The following RPSA2 variants were observed in gnomAD, a reference collection of about 807,000 sequenced individuals.
RPSA2 encodes small ribosomal subunit protein uS2B.
At chr19:23,868,009 G>T in the RPSA2 span, among the ~76,000 whole-genome samples, 1 of 152,126 alleles carries the variant, frequency 6.6e-6, no homozygotes, top group Admixed American at 6.5e-5. Context: ...AAGAATAATT[G>T]GATGCAGGAC....
At chr19:23,768,854 A>G in the RPSA2 span, among the ~76,000 whole-genome samples, 1 of 151,276 alleles carries the variant, frequency 6.6e-6, no homozygotes, top group Admixed American at 6.6e-5. Flanking sequence ...TCTTAAAGTG[A>G]TGGGATTACA....
chr19:23,862,450 T>C, the RPSA2 span, among the ~76,000 whole-genome samples: 3 of 151,514 alleles, frequency 2.0e-5, no homozygotes, highest in Non-Finnish European at 4.4e-5. Context: ...ATCCCTGTCT[T>C]GTGCCAGTTT....
At chr19:23,828,590 C>G in the RPSA2 span, among the ~76,000 whole-genome samples, 3 of 132,486 alleles carry the variant, frequency 2.3e-5, no homozygotes, top group African/African-American at 8.5e-5. Flanking sequence ...GTTGTATATT[C>G]TCATTCCATT....
At chr19:23,819,404 G>A in the RPSA2 span, 1 of 152,292 alleles carries the variant, frequency 6.6e-6, no homozygotes, top group Non-Finnish European at 1.5e-5. Flanking sequence ...TGGGCTACCA[G>A]TTTCAGCCAA....
chr19:23,783,295 A>G, the RPSA2 span, among the ~76,000 whole-genome samples: 1 of 152,010 alleles, frequency 6.6e-6, no homozygotes, highest in African/African-American at 2.4e-5. Context: ...GGGCTTCTCC[A>G]TGTTGGTCAG....
At chr19:23,779,002 T>TG in the RPSA2 span, among the ~76,000 whole-genome samples, 2 of 133,148 alleles carry the variant, frequency 1.5e-5, no homozygotes. Context: ...ACACTTTTTT[T>TG]TTTTTTTTTT....
the RPSA2 span, among the ~76,000 whole-genome samples, chr19:23,770,991 T>C: frequency 6.6e-6 from 1 of 152,230 alleles, no homozygotes; most frequent in Non-Finnish European, 1.5e-5. Context: ...GTAGCAGATG[T>C]AGTTTCTCTC....
the RPSA2 span, chr19:23,828,081 GA>G: frequency 3.8e-6 from 2 of 526,694 alleles, no homozygotes; most frequent in Non-Finnish European, 6.6e-6. Context: ...AAGCAGCATG[GA>G]AAAATGGTTG....
the RPSA2 span, among the ~76,000 whole-genome samples, chr19:23,794,434 CT>C: frequency 6.6e-6 from 1 of 152,158 alleles, no homozygotes; most frequent in African/African-American, 2.4e-5. Context: ...TTGCATTTCT[CT>C]AATGATTATT....
chr19:23,786,357 G>A, the RPSA2 span, among the ~76,000 whole-genome samples: 5 of 152,196 alleles, frequency 3.3e-5, no homozygotes, highest in Non-Finnish European at 7.3e-5. Context: ...CAGCACCTGA[G>A]TGATATGATT....
the RPSA2 span, among the ~76,000 whole-genome samples, chr19:23,784,175 T>C: frequency 6.6e-6 from 1 of 152,172 alleles, no homozygotes; most frequent in South Asian, 2.1e-4. Flanking sequence ...ACAAAGAATA[T>C]CCTGGCTCTT....
chr19:23,779,643 C>A, the RPSA2 span, among the ~76,000 whole-genome samples: 1 of 152,204 alleles, frequency 6.6e-6, no homozygotes, highest in East Asian at 1.9e-4. Context: ...TGTCTAGCAA[C>A]CACGTATTTT....
chr19:23,782,928 A>T, the RPSA2 span, among the ~76,000 whole-genome samples: 1 of 151,928 alleles, frequency 6.6e-6, no homozygotes, highest in Non-Finnish European at 1.5e-5. Context: ...CCTCAGGGGT[A>T]TTGTGAAATA....
chr19:23,845,664 A>G, the RPSA2 span, among the ~76,000 whole-genome samples: 1 of 152,020 alleles, frequency 6.6e-6, no homozygotes, highest in Non-Finnish European at 1.5e-5. Context: ...GCTATTTTTA[A>G]ATTTTTTTTG....
At chr19:23,866,003 A>G in the RPSA2 span, among the ~76,000 whole-genome samples, 1 of 152,214 alleles carries the variant, frequency 6.6e-6, no homozygotes, top group Non-Finnish European at 1.5e-5. Context: ...TAAATTGGCA[A>G]GAAATGTGTG....
chr19:23,758,827 C>A, the RPSA2 span: 1 of 1,600,964 alleles, frequency 6.2e-7, no homozygotes, highest in Non-Finnish European at 8.5e-7. Context: ...AGAGGCTGGG[C>A]CTCTAGAAGA....
At chr19:23,805,830 T>TGATA in the RPSA2 span, among the ~76,000 whole-genome samples, 1 of 152,134 alleles carries the variant, frequency 6.6e-6, no homozygotes, top group Non-Finnish European at 1.5e-5. Flanking sequence ...TAAATGCTTG[T>TGATA]GATAGTCAAG....
chr19:23,801,828 A>C, the RPSA2 span, among the ~76,000 whole-genome samples: 1 of 152,216 alleles, frequency 6.6e-6, no homozygotes, highest in African/African-American at 2.4e-5. Flanking sequence ...TTCTCAAGTT[A>C]CAATGCTTAA....
chr19:23,827,398 C>T, the RPSA2 span: 24 of 1,459,908 alleles, frequency 1.6e-5, no homozygotes, highest in Non-Finnish European at 2.3e-5. Context: ...TTATATCCTC[C>T]AGGAATACTG....
Sources: allele counts gnomAD v4.1 joint callset (sites outside exome capture counted in the v4.1 genomes callset), GRCh38; gene constraint gnomAD v4.1.1; transcripts MANE v1.5; gene names NCBI Gene and HGNC (gene_info 2026-07-23, HGNC 2026-07-21).